RNFT2: variants seen among roughly 807,000 people sequenced by gnomAD.
RNFT2 encodes E3 ubiquitin-protein ligase RNFT2.
RNFT2 carries 36 observed loss-of-function variants against 53.0 expected under a neutral mutation model. The ratio of observed to expected loss-of-function variants is 0.68; its 90% CI spans 0.52 to 0.90. The LOEUF is 0.90. Ranked by LOEUF, RNFT2 falls within the 40% of genes least tolerant of loss-of-function variation. RNFT2 has a pLI of 0.00. For missense variants in RNFT2, 514 were observed against 585.6 expected (o/e 0.88, Z 1.26); for synonymous variants, 260 against 253.2 (o/e 1.03, Z -0.26).
intron 7 of RNFT2, among the ~76,000 whole-genome samples, chr12:116,804,587 A>G (rs756793459): frequency 6.6e-6 from 1 of 152,204 alleles, no homozygotes; most frequent in Non-Finnish European, 1.5e-5. Context: ...CATATGCACA[A>G]AAGTTTCTCT....
intron 6 of RNFT2, among the ~76,000 whole-genome samples, chr12:116,775,048 G>A (rs191799553): frequency 2.0e-5 from 3 of 152,056 alleles, no homozygotes; most frequent in Non-Finnish European, 2.9e-5. Context: ...GATCCCCTGA[G>A]GTCAGGAGTT....
At chr12:116,746,971 T>C (rs1871926443) in intron 3 of RNFT2, among the ~76,000 whole-genome samples, 1 of 152,210 alleles carries the variant, frequency 6.6e-6, no homozygotes, top group African/African-American at 2.4e-5. Flanking sequence ...AGTCAGCCTT[T>C]TGTATCTGTG....
At chr12:116,779,481 T>G in intron 7 of RNFT2, 133 bp downstream of exon 7, 11 of 937,352 alleles carry the variant, frequency 1.2e-5, no homozygotes, top group Non-Finnish European at 1.7e-5. Context: ...GAGCCTGAGC[T>G]CATAGCTCCT....
chr12:116,759,961 G>C (rs886992792), intron 5 of RNFT2, among the ~76,000 whole-genome samples: 1 of 152,168 alleles, frequency 6.6e-6, no homozygotes, highest in Non-Finnish European at 1.5e-5. Flanking sequence ...GTGGGTAGGA[G>C]GGAAGGACCA....
chr12:116,833,424 G>A (rs1052711232), intron 7 of RNFT2, among the ~76,000 whole-genome samples: 32 of 152,302 alleles, frequency 2.1e-4, no homozygotes, highest in African/African-American at 7.2e-4. Flanking sequence ...GCCTGGATGC[G>A]GAGGGCAGGG....
At chr12:116,765,487 A>C (rs114965132) in intron 5 of RNFT2, among the ~76,000 whole-genome samples, 1 of 152,176 alleles carries the variant, frequency 6.6e-6, no homozygotes, top group Non-Finnish European at 1.5e-5. Flanking sequence ...GGAAGGTTAC[A>C]CTGGGAAAGT....
At chr12:116,806,376 AAAAAAAT>A (rs1484940910) in intron 7 of RNFT2, among the ~76,000 whole-genome samples, 38 of 127,276 alleles carry the variant, frequency 3.0e-4, no homozygotes, top group East Asian at 2.8e-3. Flanking sequence ...TCAAAAAAAA[AAAAAAAT>A]ATATATATAT....
intron 4 of RNFT2, among the ~76,000 whole-genome samples, chr12:116,751,100 G>C (rs1402361840): frequency 6.6e-6 from 1 of 150,398 alleles, no homozygotes; most frequent in Non-Finnish European, 1.5e-5. Flanking sequence ...TTTTTTCATA[G>C]AGTCGAAGTC....
rs1592936990 is a variant in RNFT2 at position 116,750,320 on chromosome 12, G to A, written c.550+13G>A. 1.9e-6 allele frequency: 3 copies of A among 1,586,844 alleles called. No homozygotes were observed. Among genetic ancestry groups the A allele is most frequent in the African/African-American group, 2.7e-5 (2 of 74,624 alleles). On this transcript the variant is annotated intron_variant, in intron 4 of 10. Transcript: ENST00000257575. ...CAGCATAAGCTCGGTGAGTTCTGGGGGCATGGGTGTCCTAGCCATGGGCTT... is the reference window on the plus strand; with the variant it reads ...CAGCATAAGCTCGGTGAGTTCTGGGAGCATGGGTGTCCTAGCCATGGGCTT...
At chr12:116,786,268 C>T (rs112939314) in intron 7 of RNFT2, among the ~76,000 whole-genome samples, 13,544 of 151,822 alleles carry the variant, frequency 0.089, 1,690 homozygotes, top group African/African-American at 0.28. Flanking sequence ...ATTATAGACA[C>T]GTGCCACCAC....
chr12:116,762,521 G>A (rs1383350623), intron 5 of RNFT2, among the ~76,000 whole-genome samples: 2 of 151,920 alleles, frequency 1.3e-5, no homozygotes, highest in Non-Finnish European at 2.9e-5. Context: ...AGGATCCCTT[G>A]AACCCAGGAG....
intron 7 of RNFT2, among the ~76,000 whole-genome samples, chr12:116,790,046 C>T (rs1874164129): frequency 6.6e-6 from 1 of 152,056 alleles, no homozygotes; most frequent in Non-Finnish European, 1.5e-5. Flanking sequence ...ACAGCAAGAG[C>T]TTGGATTTCA....
Position 116,849,814 on chromosome 12 carries a change from T to G in RNFT2, c.*366T>G. ...TTCTTTTCTTTCTCTCTCTCTCTGT[T>G]TCCCTCCCTCCCTCCTTCCTTCCTT... is the stretch of plus-strand genomic sequence containing the variant. On this transcript the variant is annotated 3_prime_UTR_variant, in exon 11 of 11. Transcript: ENST00000257575. 3.0e-6 allele frequency: 1 copy of G among 332,530 alleles called. No homozygotes were observed. Among genetic ancestry groups the G allele is most frequent in the Non-Finnish European group, 3.9e-6 (1 of 255,972 alleles). The allele number at this position is 332,530 out of a possible 1,614,324, so 20.6% of individuals were successfully genotyped here. A position where few individuals can be genotyped will look rare whatever the true frequency, so the allele number is the denominator to read the frequency against.
In RNFT2 at chr12:116,841,846, A is replaced by AAAAT. The variant is rs1555210424; in HGVS notation, c.1200+5565_1200+5566insAATA. On this transcript the variant is annotated intron_variant, in intron 10 of 10. Transcript: ENST00000257575. ...ATATATATATATAAATATATATATA[A>AAAAT]ATATATATAAAAATATATATATAAA... Among the ~76,000 whole-genome samples, 88 of 23,338 alleles carry AAAAT rather than the reference A, an allele frequency of 3.8e-3. 1 individual carries two copies. Among genetic ancestry groups the AAAAT allele is most frequent in the Non-Finnish European group, 7.3e-3 (74 of 10,128 alleles). 15.3% of individuals were successfully genotyped at this position (23,338 alleles called of 152,430 possible).
At chr12:116,811,874 A>G (rs76304695) in intron 7 of RNFT2, among the ~76,000 whole-genome samples, 3,063 of 152,232 alleles carry the variant, frequency 0.02, 108 homozygotes, top group African/African-American at 0.069. Flanking sequence ...GGGAGGAAAT[A>G]TTATCCTTAC....
intron 10 of RNFT2, among the ~76,000 whole-genome samples, chr12:116,848,059 A>G (rs1055412473): frequency 3.3e-5 from 5 of 151,484 alleles, no homozygotes; most frequent in Admixed American, 6.6e-5. Flanking sequence ...ATGTGTTCTC[A>G]TTGTTCAGCT....
intron 5 of RNFT2, among the ~76,000 whole-genome samples, chr12:116,762,361 AGATGGTTT>A (rs982481678): frequency 1.0e-4 from 15 of 150,272 alleles, no homozygotes; most frequent in African/African-American, 3.4e-4. Flanking sequence ...GCCTGGGTTG[AGATGGTTT>A]GATGGTTTGA....
chr12:116,845,830 C>G (rs1877585507), intron 10 of RNFT2, among the ~76,000 whole-genome samples: 1 of 152,144 alleles, frequency 6.6e-6, no homozygotes. Context: ...CCAACTACAG[C>G]CACATCAGCT....
At chr12:116,794,571 C>G (rs544413699) in intron 7 of RNFT2, among the ~76,000 whole-genome samples, 6 of 149,868 alleles carry the variant, frequency 4.0e-5, no homozygotes, top group African/African-American at 1.2e-4. Flanking sequence ...GCACTCCAGC[C>G]TGGGTGACAG....
Sources: gnomAD v4.1 joint callset for allele counts (sites outside exome capture counted in the v4.1 genomes callset) on GRCh38, gnomAD v4.1.1 for gene constraint, MANE v1.5 for transcripts, NCBI Gene and HGNC (gene_info 2026-07-23, HGNC 2026-07-21) for gene names.